Variants in STXBP5 observed in about 807,000 individuals in gnomAD.
STXBP5 encodes the protein syntaxin-binding protein 5.
STXBP5 carries 50 observed loss-of-function variants against 152.4 expected under a neutral mutation model. That is an observed-to-expected ratio of 0.33 (90% CI 0.26 to 0.42). The LOEUF (loss-of-function observed/expected upper bound fraction) is 0.42, where lower values mean the gene tolerates loss of function less well. Among genes scored for constraint, STXBP5 ranks in the 10% least tolerant of loss-of-function variants. The probability of loss-of-function intolerance (pLI) is 1.00; values close to 1 mark genes in which losing one functional copy is unlikely to be tolerated. For synonymous variants in STXBP5, 492 were observed against 494.7 expected, an observed-to-expected ratio of 0.99 and a Z score of 0.07; for missense variants, 1,167 against 1,388.6, an observed-to-expected ratio of 0.84 and a Z score of 2.54.
In STXBP5 at chr6:147,334,236, T is replaced by C; in HGVS notation, c.2146+14T>C. 6.2e-7 allele frequency: 1 copy of C among 1,608,078 alleles called. No individual in the cohort carries two copies. On this transcript the variant is annotated intron_variant, in intron 19 of 27. Coordinates refer to ENST00000321680, the MANE Select transcript of STXBP5 (RefSeq NM_001127715.4). ...CTCCAACCTCTGGTAATTTGGTTTT[T>C]TTTTATTTCATTAATAATTATGATT...
rs867835846 is a variant in STXBP5, at chr6:147,321,800, A to T, written c.1803-3159A>T. 2.6e-5 allele frequency among the ~76,000 whole-genome samples: 4 copies of T among 152,324 alleles called. No homozygotes were observed. The South Asian group carries it at 6.2e-4, about 24-fold the overall frequency. On this transcript the variant is annotated intron_variant, in intron 16 of 27. Transcript: ENST00000321680. ...TTAAAAAGTAAACAAATCAACTTGA[A>T]TATATTAAAAACATTAAAATTATAC...
At chr6:147,230,177 G>A (rs920031055) in intron 2 of STXBP5, among the ~76,000 whole-genome samples, 1 of 151,816 alleles carries the variant, frequency 6.6e-6, no homozygotes, top group Non-Finnish European at 1.5e-5. Context: ...TTTTAAAGAT[G>A]ATTGTTTATT....
intron 9 of STXBP5, among the ~76,000 whole-genome samples, chr6:147,301,291 C>G (rs1393201137): frequency 1.3e-5 from 2 of 152,116 alleles, no homozygotes; most frequent in East Asian, 3.9e-4. Flanking sequence ...AATCTCATTA[C>G]TTTATGCATA....
At chr6:147,234,169 G>A (rs1778155682) in intron 2 of STXBP5, among the ~76,000 whole-genome samples, 2 of 151,610 alleles carry the variant, frequency 1.3e-5, no homozygotes, top group African/African-American at 4.8e-5. Context: ...TTTATATACT[G>A]GCAACTATAA....
At chr6:147,263,342 CTT>C (rs1029110765) in intron 6 of STXBP5, among the ~76,000 whole-genome samples, 5,860 of 128,724 alleles carry the variant, frequency 0.046, 120 homozygotes, top group African/African-American at 0.063. Context: ...TTCTTTCTTT[CTT>C]TTTTTTTTTT....
chr6:147,205,642 A>G (rs1351737990), intron 1 of STXBP5, among the ~76,000 whole-genome samples: 1 of 152,164 alleles, frequency 6.6e-6, no homozygotes, highest in Non-Finnish European at 1.5e-5. Context: ...TAATGGGTTT[A>G]CAGAATTTTG....
At chr6:147,347,877 G>T (rs926934479) in intron 21 of STXBP5, among the ~76,000 whole-genome samples, 1 of 152,160 alleles carries the variant, frequency 6.6e-6, no homozygotes, top group African/African-American at 2.4e-5. Flanking sequence ...ATATTTATTA[G>T]TGGCTATCTC....
At chr6:147,349,160 GAA>G (rs1159162805) in intron 21 of STXBP5, among the ~76,000 whole-genome samples, 2 of 149,476 alleles carry the variant, frequency 1.3e-5, no homozygotes, top group African/African-American at 4.9e-5. Flanking sequence ...TCTGTGCATT[GAA>G]AAAAAAATAC....
chr6:147,213,473 T>TGCGCGCGC (rs1402421132), intron 2 of STXBP5, among the ~76,000 whole-genome samples: 3 of 126,426 alleles, frequency 2.4e-5, no homozygotes, highest in African/African-American at 2.9e-5. Context: ...TGTGTGTGTG[T>TGCGCGCGC]GTGTGCGCGC....
intron 2 of STXBP5, among the ~76,000 whole-genome samples, chr6:147,223,307 C>G (rs1307110344): frequency 6.6e-6 from 1 of 151,976 alleles, no homozygotes; most frequent in Non-Finnish European, 1.5e-5. Flanking sequence ...CATTCATAGC[C>G]CATAATATAC....
intron 21 of STXBP5, among the ~76,000 whole-genome samples, chr6:147,346,357 A>T (rs1784329303): frequency 6.6e-6 from 1 of 152,196 alleles, no homozygotes; most frequent in African/African-American, 2.4e-5. Context: ...TTCTCCAGAG[A>T]TGGGTCTACT....
intron 2 of STXBP5, among the ~76,000 whole-genome samples, chr6:147,210,239 T>TA (rs1425594922): frequency 1.3e-5 from 2 of 152,322 alleles, no homozygotes; most frequent in African/African-American, 4.8e-5. Context: ...ATGAGGCAAT[T>TA]ACAAGCGAAG....
intron 9 of STXBP5, among the ~76,000 whole-genome samples, chr6:147,302,241 T>G (rs766803769): frequency 0.035 from 5,375 of 151,998 alleles, 147 homozygotes; most frequent in Admixed American, 0.054. Context: ...CCCTTTAGAG[T>G]CAAAACTCCC....
chr6:147,291,931 C>T (rs992046542), intron 9 of STXBP5, among the ~76,000 whole-genome samples: 2 of 151,550 alleles, frequency 1.3e-5, no homozygotes, highest in African/African-American at 4.9e-5. Flanking sequence ...AAATTGTGGT[C>T]CCTTTGCCAA....
chr6:147,225,333 T>C (rs527791487), intron 2 of STXBP5, among the ~76,000 whole-genome samples: 20 of 152,306 alleles, frequency 1.3e-4, no homozygotes, highest in African/African-American at 4.3e-4. Context: ...ATTCTTATCT[T>C]TAAACTTTGC....
chr6:147,239,497 G>A (rs1050819652), intron 4 of STXBP5, among the ~76,000 whole-genome samples: 1 of 152,106 alleles, frequency 6.6e-6, no homozygotes, highest in Non-Finnish European at 1.5e-5. Flanking sequence ...AGGATTTACA[G>A]TGTATGTATA....
chr6:147,351,411 A>C (rs899395824), intron 21 of STXBP5, among the ~76,000 whole-genome samples: 7 of 152,210 alleles, frequency 4.6e-5, no homozygotes, highest in African/African-American at 1.4e-4. Context: ...ATCTGATATC[A>C]TGCACATTGT....
At position 147,206,037 on chromosome 6, in the gene STXBP5, G is replaced by A. The variant is rs769656684; in HGVS notation, c.217G>A (p.Ala73Thr). 115 of 1,614,068 alleles carry A rather than the reference G, an allele frequency of 7.1e-5. No homozygotes were observed. The highest frequency in any genetic ancestry group is 9.3e-5 in the Non-Finnish European group (110 of 1,179,988). The change falls in exon 2 of 28, where the codon GCA becomes ACA. Residue 73 changes from alanine to threonine, a missense_variant. By Grantham distance (58) the Ala-to-Thr change is moderately conservative (BLOSUM62 0). This residue lies in a region of STXBP5 where 310 missense variants were observed against 346.1 expected (regional missense o/e 0.90). Coordinates refer to ENST00000321680, the MANE Select transcript of STXBP5 (RefSeq NM_001127715.4). Reference sequence around the variant, plus strand: ...CTTTGATCCTGTACAGAAGATCCTGGCAGTGGGAACTCAGACTGGTGCTTT... The same window carrying A: ...CTTTGATCCTGTACAGAAGATCCTGACAGTGGGAACTCAGACTGGTGCTTT... ...LAFDPVQKILAVGTQTGALRL... is the reference protein window; with the variant it reads ...LAFDPVQKILTVGTQTGALRL...
intron 2 of STXBP5, among the ~76,000 whole-genome samples, chr6:147,215,562 T>C (rs1777122359): frequency 6.6e-6 from 1 of 152,022 alleles, no homozygotes; most frequent in Admixed American, 6.6e-5. Flanking sequence ...TGTATTTTTT[T>C]GTAGAGCCTG....
Sources: allele counts gnomAD v4.1 joint callset (sites outside exome capture counted in the v4.1 genomes callset), GRCh38; gene constraint gnomAD v4.1.1; regional missense constraint gnomAD v4.1.1; transcripts MANE v1.5; gene names NCBI Gene and HGNC (gene_info 2026-07-23, HGNC 2026-07-21).